The following ARHGAP5 variants were observed in gnomAD, a reference collection of about 807,000 sequenced individuals.
ARHGAP5 encodes Rho GTPase activating protein 5.
ARHGAP5 carries 23 observed loss-of-function variants against 116.6 expected under a neutral mutation model. That is an observed-to-expected ratio of 0.20 (90% confidence interval 0.14 to 0.28). ARHGAP5 has a LOEUF of 0.28. Among genes scored for constraint, ARHGAP5 ranks in the 10% least tolerant of loss-of-function variants. ARHGAP5 has a pLI of 1.00. For synonymous variants in ARHGAP5, 574 were observed against 602.0 expected (o/e 0.95, Z 0.68); for missense variants, 1,405 against 1,774.8 (o/e 0.79, Z 3.74).
intron 3 of ARHGAP5, among the ~76,000 whole-genome samples, chr14:32,123,059 C>G (rs1418772025): frequency 6.6e-6 from 1 of 152,050 alleles, no homozygotes; most frequent in African/African-American, 2.4e-5. Flanking sequence ...TCATTCTTAT[C>G]TGTGTTCTTC....
At chr14:32,121,791 A>G (rs1296292040) in intron 3 of ARHGAP5, among the ~76,000 whole-genome samples, 1 of 152,124 alleles carries the variant, frequency 6.6e-6, no homozygotes, top group Non-Finnish European at 1.5e-5. Flanking sequence ...TTCTGCCTTT[A>G]CAGGCTTGCC....
chr14:32,131,425 T>G (rs1345594986), intron 3 of ARHGAP5, among the ~76,000 whole-genome samples: 1 of 152,154 alleles, frequency 6.6e-6, no homozygotes, highest in Non-Finnish European at 1.5e-5. Flanking sequence ...AGTAAATACA[T>G]TCACATTGTT....
chr14:32,148,720 C>T (rs1481025459), intron 4 of ARHGAP5, among the ~76,000 whole-genome samples: 1 of 151,898 alleles, frequency 6.6e-6, no homozygotes, highest in Non-Finnish European at 1.5e-5. Flanking sequence ...ATTGATTTGG[C>T]AATTTTTTTA....
intron 3 of ARHGAP5, among the ~76,000 whole-genome samples, chr14:32,131,447 C>A (rs1006309815): frequency 3.9e-5 from 6 of 152,064 alleles, no homozygotes; most frequent in African/African-American, 1.4e-4. Context: ...TGCACCCAAT[C>A]TCTAGAACTT....
At chr14:32,099,880 C>T (rs1193346313) in intron 2 of ARHGAP5, among the ~76,000 whole-genome samples, 2 of 152,126 alleles carry the variant, frequency 1.3e-5, no homozygotes, top group African/African-American at 2.4e-5. Flanking sequence ...AACTGAGCTT[C>T]GTTGTCATTC....
At chr14:32,102,206 G>A (rs1474268441) in intron 2 of ARHGAP5, among the ~76,000 whole-genome samples, 1 of 152,214 alleles carries the variant, frequency 6.6e-6, no homozygotes. Flanking sequence ...TCCCCTTAGG[G>A]GAGAAAGTGA....
At position 32,154,845 on chromosome 14, in the gene ARHGAP5, C is replaced by A. The variant is rs1469789155; in HGVS notation, c.4406C>A (p.Pro1469Gln). 1 of 1,614,016 alleles carries A rather than the reference C, an allele frequency of 6.2e-7. No homozygotes were observed. Among genetic ancestry groups the A allele is most frequent in the African/African-American group, 1.3e-5 (1 of 74,918 alleles). The change falls in exon 7 of 7, where the codon CCA (proline) becomes CAA (glutamine). Residue 1469 changes from proline to glutamine, a missense_variant. By Grantham distance (76) the Pro-to-Gln change is moderately conservative. This residue lies in a region of ARHGAP5 where 85 missense variants were observed against 96.6 expected (regional missense o/e 0.88). Transcript: ENST00000345122. Reference protein sequence around the residue: ...NIVAPPPPSNPGQLVEPMVPL... With the variant: ...NIVAPPPPSNQGQLVEPMVPL... Reference sequence around the variant, plus strand: ...GTGGCTCCTCCACCACCTTCAAACCCAGGACAGTTGGTGGAACCAATGGTG... The same window carrying A: ...GTGGCTCCTCCACCACCTTCAAACCAAGGACAGTTGGTGGAACCAATGGTG...
chr14:32,081,749 T>A (rs2041777493), intron 1 of ARHGAP5, among the ~76,000 whole-genome samples: 1 of 152,148 alleles, frequency 6.6e-6, no homozygotes, highest in Admixed American at 6.6e-5. Context: ...CACCTTGGCT[T>A]CTGATATGGC....
rs546941248 is a variant in ARHGAP5 at position 32,155,017 on chromosome 14, C to T, written c.*69C>T. The T allele has an allele frequency of 8.1e-5, 106 of 1,300,784 alleles. No homozygotes were observed. The South Asian group carries it at 1.4e-3, about 18-fold the overall frequency. The allele number at this position is 1,300,784 out of a possible 1,614,324, so 80.6% of individuals were successfully genotyped here. On this transcript the variant is annotated 3_prime_UTR_variant, in exon 7 of 7. Coordinates refer to ENST00000345122, the MANE Select transcript of ARHGAP5 (RefSeq NM_001030055.2). ...ATCTAGACATGCATGTTTCAGGGTT[C>T]AGTAGTATACTTCATGTTTCATACA...
chr14:32,146,977 A>G (rs554834296), intron 4 of ARHGAP5, among the ~76,000 whole-genome samples: 2 of 152,236 alleles, frequency 1.3e-5, no homozygotes, highest in Admixed American at 6.5e-5. Context: ...TTCCTAATAC[A>G]TTAAACTATC....
chr14:32,146,260 T>G lies in ARHGAP5; in HGVS notation c.3866-3T>G, dbSNP rs765642036. 1 of 1,604,034 alleles carries G rather than the reference T, an allele frequency of 6.2e-7. No homozygotes were observed. The highest frequency in any genetic ancestry group is 1.1e-5 in the South Asian group (1 of 90,822). On this transcript the variant is annotated splice_polypyrimidine_tract_variant and splice_region_variant and intron_variant, in intron 3 of 6. Transcript: ENST00000345122. Reference sequence around the variant, plus strand: ...AAGTATGCATATTTCTTTATTCTCTTAGGGTTATGTACCGAAGGACTCTAC... The same window carrying G: ...AAGTATGCATATTTCTTTATTCTCTGAGGGTTATGTACCGAAGGACTCTAC...
In ARHGAP5 at chr14:32,154,965, A is replaced by C; in HGVS notation, c.*17A>C. On this transcript the variant is annotated 3_prime_UTR_variant, in exon 7 of 7. Coordinates refer to ENST00000345122, the MANE Select transcript of ARHGAP5 (RefSeq NM_001030055.2). Reference sequence around the variant, plus strand: ...ATTATATGAGTAGGAAGTGATTGCAAACAGGCTGGATTTGGACAAAAAGCA... The same window carrying C: ...ATTATATGAGTAGGAAGTGATTGCACACAGGCTGGATTTGGACAAAAAGCA... The C allele has an allele frequency of 6.2e-7, 1 of 1,600,126 alleles. No homozygotes were observed. The highest frequency in any genetic ancestry group is 8.5e-7 in the Non-Finnish European group (1 of 1,170,510).
In ARHGAP5 at chr14:32,127,829, G is replaced by T. The variant is rs1880254889; in HGVS notation, c.3865+10542G>T. Among the ~76,000 whole-genome samples the T allele has an allele frequency of 7.9e-5, 12 of 151,462 alleles. 1 individual carries two copies. In the South Asian group the frequency reaches 2.5e-3, roughly 32 times the overall value. ...CTCCCAGACGGGGTGGCCGGGCGGAGATGCTCCTCACTTCCCAGACGGGGC... is the reference window on the plus strand; with the variant it reads ...CTCCCAGACGGGGTGGCCGGGCGGATATGCTCCTCACTTCCCAGACGGGGC... On this transcript the variant is annotated intron_variant, in intron 3 of 6. Coordinates refer to ENST00000345122, the MANE Select transcript of ARHGAP5 (RefSeq NM_001030055.2).
chr14:32,089,313 T>A (rs1250317942), intron 1 of ARHGAP5, among the ~76,000 whole-genome samples: 1 of 151,826 alleles, frequency 6.6e-6, no homozygotes, highest in African/African-American at 2.4e-5. Context: ...GGGGAGGAAG[T>A]GGTCTTTTCT....
At chr14:32,133,178 A>G (rs1222196948) in intron 3 of ARHGAP5, among the ~76,000 whole-genome samples, 13 of 152,132 alleles carry the variant, frequency 8.5e-5, no homozygotes, top group East Asian at 1.9e-4. Flanking sequence ...ACCTTGGGCA[A>G]TATGGCCATT....
intron 2 of ARHGAP5, among the ~76,000 whole-genome samples, chr14:32,098,017 A>G (rs1176978857): frequency 6.6e-6 from 1 of 152,216 alleles, no homozygotes; most frequent in Non-Finnish European, 1.5e-5. Flanking sequence ...GGCATATCAT[A>G]GAGAAGTCAC....
At chr14:32,128,618 C>CGCCTG (rs1411933200) in intron 3 of ARHGAP5, among the ~76,000 whole-genome samples, 1 of 152,234 alleles carries the variant, frequency 6.6e-6, no homozygotes, top group Non-Finnish European at 1.5e-5. Context: ...GGGCTCGCCG[C>CGCCTG]GCCTGGCCGC....
chr14:32,102,814 CT>C (rs1878850908), intron 2 of ARHGAP5, among the ~76,000 whole-genome samples: 2 of 152,146 alleles, frequency 1.3e-5, no homozygotes, highest in African/African-American at 4.8e-5. Flanking sequence ...TTTATTTTGA[CT>C]CAGGAAAACT....
intron 3 of ARHGAP5, among the ~76,000 whole-genome samples, chr14:32,123,919 A>C (rs1880014305): frequency 6.6e-6 from 1 of 152,170 alleles, no homozygotes; most frequent in South Asian, 2.1e-4. Context: ...TCTTCTGAGA[A>C]TAAAACTTGA....
Sources: allele counts gnomAD v4.1 joint callset (sites outside exome capture counted in the v4.1 genomes callset), GRCh38; gene constraint gnomAD v4.1.1; regional missense constraint gnomAD v4.1.1; transcripts MANE v1.5; gene names NCBI Gene and HGNC (gene_info 2026-07-23, HGNC 2026-07-21).